Variants in MTUS2 observed in about 807,000 individuals in gnomAD.
MTUS2 encodes the protein microtubule-associated tumor suppressor candidate 2.
A neutral mutation model predicts 114.1 loss-of-function variants in MTUS2; 40 were observed. The ratio of observed to expected loss-of-function variants is 0.35; its 90% confidence interval spans 0.27 to 0.46. The LOEUF is 0.46. Ranked by LOEUF, MTUS2 falls within the 20% of genes least tolerant of loss-of-function variation. The pLI is 1.00. For missense variants in MTUS2, 1,679 were observed against 1,705.4 expected (o/e 0.98, Z 0.27); for synonymous variants, 688 against 672.0 (o/e 1.02, Z -0.37).
chr13:29,455,293 G>C (rs908923453), intron 9 of MTUS2, among the ~76,000 whole-genome samples: 1 of 152,142 alleles, frequency 6.6e-6, no homozygotes, highest in African/African-American at 2.4e-5. Context: ...GGGCCTGCAG[G>C]GGGCAGCTGA....
intron 2 of MTUS2, among the ~76,000 whole-genome samples, chr13:28,857,057 C>A (rs1183678184): frequency 6.6e-6 from 1 of 152,194 alleles, no homozygotes; most frequent in African/African-American, 2.4e-5. Flanking sequence ...CCTGAAGGGG[C>A]TGATTGCCCA....
At chr13:29,405,168 C>T (rs1874660127) in intron 8 of MTUS2, among the ~76,000 whole-genome samples, 1 of 152,180 alleles carries the variant, frequency 6.6e-6, no homozygotes, top group South Asian at 2.1e-4. Flanking sequence ...ACCTGTTCTT[C>T]TTGACACTGA....
intron 2 of MTUS2, among the ~76,000 whole-genome samples, chr13:28,891,672 G>A (rs1157938297): frequency 1.3e-5 from 2 of 151,832 alleles, no homozygotes; most frequent in Non-Finnish European, 2.9e-5. Context: ...GAGATCAGGA[G>A]GTGGAGACTA....
intron 2 of MTUS2, among the ~76,000 whole-genome samples, chr13:28,995,997 A>C (rs759138588): frequency 6.6e-6 from 1 of 152,142 alleles, no homozygotes; most frequent in African/African-American, 2.4e-5. Flanking sequence ...GAATGCTTCC[A>C]GTTTTTGTCC....
At chr13:29,084,467 G>T (rs1374015072) in intron 4 of MTUS2, among the ~76,000 whole-genome samples, 1 of 151,880 alleles carries the variant, frequency 6.6e-6, no homozygotes, top group Non-Finnish European at 1.5e-5. Flanking sequence ...GTATTGTCAG[G>T]GTTAGGGGCT....
At chr13:29,033,271 C>CG (rs1886909564) in intron 3 of MTUS2, among the ~76,000 whole-genome samples, 1 of 152,160 alleles carries the variant, frequency 6.6e-6, no homozygotes, top group African/African-American at 2.4e-5. Flanking sequence ...CTCGAGCAGA[C>CG]GACCAGAGGA....
chr13:29,045,379 T>C (rs1887566901), intron 4 of MTUS2, among the ~76,000 whole-genome samples: 1 of 152,130 alleles, frequency 6.6e-6, no homozygotes, highest in Non-Finnish European at 1.5e-5. Flanking sequence ...TTATTTCCTC[T>C]AAGAGCACTA....
At chr13:29,182,872 A>C (rs755886393) in intron 5 of MTUS2, among the ~76,000 whole-genome samples, 75 of 152,208 alleles carry the variant, frequency 4.9e-4, no homozygotes, top group Non-Finnish European at 9.8e-4. Flanking sequence ...AGGTAGGAAC[A>C]GGCTTAGTGA....
At chr13:29,460,098 G>A (rs567140120) in intron 9 of MTUS2, among the ~76,000 whole-genome samples, 1 of 152,272 alleles carries the variant, frequency 6.6e-6, no homozygotes, top group Admixed American at 6.5e-5. Flanking sequence ...AGTTTCTGAT[G>A]TTCACAATAA....
chr13:29,477,867 A>G (rs1880820056), intron 9 of MTUS2, among the ~76,000 whole-genome samples: 1 of 152,156 alleles, frequency 6.6e-6, no homozygotes, highest in African/African-American at 2.4e-5. Flanking sequence ...CAGCATCACC[A>G]TGTAATAATC....
At chr13:28,898,068 A>T (rs532310313) in intron 2 of MTUS2, among the ~76,000 whole-genome samples, 1 of 152,128 alleles carries the variant, frequency 6.6e-6, no homozygotes, top group African/African-American at 2.4e-5. Flanking sequence ...AACAGGTTGA[A>T]GTTTTGTTTG....
intron 9 of MTUS2, among the ~76,000 whole-genome samples, chr13:29,440,369 G>C (rs1303227757): frequency 6.6e-6 from 1 of 152,198 alleles, no homozygotes; most frequent in Admixed American, 6.5e-5. Context: ...ACGAGGTGCT[G>C]TCTGCAAGAT....
At chr13:29,195,246 TAATA>T (rs1894636739) in intron 5 of MTUS2, among the ~76,000 whole-genome samples, 1 of 56,084 alleles carries the variant, frequency 1.8e-5, no homozygotes, top group Non-Finnish European at 3.8e-5. Flanking sequence ...AGTATAATAA[TAATA>T]AAATAAAATA....
chr13:29,331,601 T>C (rs943620206), intron 7 of MTUS2, among the ~76,000 whole-genome samples: 1 of 152,208 alleles, frequency 6.6e-6, no homozygotes, highest in African/African-American at 2.4e-5. Context: ...CTATGTTGAA[T>C]AGGAGTGGTG....
intron 8 of MTUS2, among the ~76,000 whole-genome samples, chr13:29,409,754 G>C (rs543400427): frequency 6.7e-6 from 1 of 150,252 alleles, no homozygotes; most frequent in African/African-American, 2.4e-5. Context: ...AATATACTCT[G>C]GAAATCATGC....
chr13:28,881,083 A>G (rs1878259416), intron 2 of MTUS2, among the ~76,000 whole-genome samples: 1 of 152,180 alleles, frequency 6.6e-6, no homozygotes, highest in Non-Finnish European at 1.5e-5. Context: ...GCAGCCATGT[A>G]GTGGACACTG....
chr13:29,304,039 G>C (rs1899325507), intron 6 of MTUS2, among the ~76,000 whole-genome samples: 3 of 152,102 alleles, frequency 2.0e-5, no homozygotes, highest in Admixed American at 1.3e-4. Context: ...GCCAAACTAA[G>C]TTTCATAAGT....
At chr13:29,433,459 G>A (rs916451244) in intron 8 of MTUS2, among the ~76,000 whole-genome samples, 7 of 152,274 alleles carry the variant, frequency 4.6e-5, no homozygotes, top group African/African-American at 1.7e-4. Flanking sequence ...TTAATTATAT[G>A]TGGAAGAAAT....
chr13:28,900,281 C>A (rs1879565988), intron 2 of MTUS2, among the ~76,000 whole-genome samples: 2 of 152,164 alleles, frequency 1.3e-5, no homozygotes, highest in Non-Finnish European at 2.9e-5. Flanking sequence ...ATTCTCCCAC[C>A]AGTTTTACCT....
Sources: gnomAD v4.1 joint callset for allele counts (sites outside exome capture counted in the v4.1 genomes callset) on GRCh38, gnomAD v4.1.1 for gene constraint, MANE v1.5 for transcripts, NCBI Gene and HGNC (gene_info 2026-07-23, HGNC 2026-07-21) for gene names.